CSMD3: variants seen among roughly 807,000 people sequenced by gnomAD.
CSMD3 encodes CUB and Sushi multiple domains 3, also known as CUB and sushi domain-containing protein 3.
CSMD3 carries 177 observed loss-of-function variants against 435.2 expected under a neutral mutation model. The ratio of observed to expected loss-of-function variants is 0.41; its 90% CI spans 0.36 to 0.46. The LOEUF (loss-of-function observed/expected upper bound fraction) is 0.46. Among genes scored for constraint, CSMD3 ranks in the 20% least tolerant of loss-of-function variants. The pLI, the probability that CSMD3 is intolerant of heterozygous loss-of-function variation, is 0.34. For missense variants in CSMD3, 4,265 were observed against 4,504.6 expected (o/e 0.95, Z 1.52); for synonymous variants, 1,656 against 1,520.5 (o/e 1.09, Z -2.07).
intron 13 of CSMD3, among the ~76,000 whole-genome samples, chr8:112,693,406 G>T (rs1014234774): frequency 2.6e-5 from 4 of 151,920 alleles, no homozygotes; most frequent in Admixed American, 6.6e-5. Flanking sequence ...TGCCTTCACT[G>T]TTGAATAATA....
chr8:113,428,586 G>C (rs2094650841), intron 1 of CSMD3, among the ~76,000 whole-genome samples: 3 of 151,776 alleles, frequency 2.0e-5, no homozygotes, highest in Admixed American at 6.6e-5. Context: ...GAAGAAAAGG[G>C]AGAAAAGAAC....
At chr8:112,605,233 G>A (rs886597921) in intron 22 of CSMD3, among the ~76,000 whole-genome samples, 1 of 152,108 alleles carries the variant, frequency 6.6e-6, no homozygotes, top group Non-Finnish European at 1.5e-5. Flanking sequence ...ATTTCTCAAA[G>A]AAGTTAAAAT....
At chr8:112,573,422 T>C (rs1829693039) in intron 24 of CSMD3, 79 bp downstream of exon 24, 7 of 1,168,918 alleles carry the variant, frequency 6.0e-6, no homozygotes, top group Non-Finnish European at 7.7e-6. Flanking sequence ...TGGATATCAT[T>C]TCAATTTGTG....
chr8:112,329,941 T>C lies in CSMD3; in HGVS notation c.7165+5388A>G, dbSNP rs369248669. Among the ~76,000 whole-genome samples, 18 of 151,916 alleles carry C rather than the reference T, an allele frequency of 1.2e-4. No individual in the cohort carries two copies. The East Asian group carries it at 1.5e-3, about 13-fold the overall frequency. ...ATATACACACAAACACACACACACA[T>C]ACATACACACACATACATTATTACA... On this transcript the variant is annotated intron_variant, in intron 45 of 70. Coordinates refer to ENST00000297405, the MANE Select transcript of CSMD3 (RefSeq NM_198123.2).
chr8:113,194,181 C>T (rs1240831498), intron 3 of CSMD3, among the ~76,000 whole-genome samples: 5 of 151,292 alleles, frequency 3.3e-5, no homozygotes, highest in African/African-American at 2.4e-5. Context: ...TGCCATGCTG[C>T]CTTTAAGTTA....
chr8:113,155,032 A>C (rs2131808018), intron 4 of CSMD3, among the ~76,000 whole-genome samples: 1 of 152,164 alleles, frequency 6.6e-6, no homozygotes, highest in East Asian at 1.9e-4. Context: ...GAATAACAGA[A>C]AATGAAATAT....
chr8:112,874,662 T>A lies in CSMD3; in HGVS notation c.1634-15396A>T, dbSNP rs572731055. The stretch of plus-strand genomic sequence containing the variant: ...TCCCTTTACCATTATGTAATGTCCT[T>A]CTTTGTCTTTTTTGATCTTTGTTGG... On this transcript the variant is annotated intron_variant, in intron 10 of 70. Transcript: ENST00000297405. Among the ~76,000 whole-genome samples, 4 of 152,312 alleles carry A rather than the reference T, an allele frequency of 2.6e-5. No homozygotes were observed. The South Asian group carries it at 8.3e-4, about 32-fold the overall frequency.
At chr8:113,315,967 C>T (rs1197404099) in intron 1 of CSMD3, among the ~76,000 whole-genome samples, 2 of 152,026 alleles carry the variant, frequency 1.3e-5, no homozygotes, top group Non-Finnish European at 2.9e-5. Flanking sequence ...GATCCACCCA[C>T]CTCAGTTTCC....
intron 27 of CSMD3, among the ~76,000 whole-genome samples, chr8:112,544,108 T>A (rs1223304587): frequency 6.6e-6 from 1 of 152,120 alleles, no homozygotes; most frequent in African/African-American, 2.4e-5. Flanking sequence ...TGGCATAATA[T>A]TTCAGTTTAG....
intron 13 of CSMD3, among the ~76,000 whole-genome samples, chr8:112,796,795 A>T (rs1046278355): frequency 2.0e-5 from 3 of 152,052 alleles, no homozygotes; most frequent in Non-Finnish European, 4.4e-5. Context: ...GCAAACAAAA[A>T]AAATCTCCTG....
intron 5 of CSMD3, among the ~76,000 whole-genome samples, chr8:113,023,144 C>A (rs1242495539): frequency 6.6e-6 from 1 of 151,962 alleles, no homozygotes; most frequent in Non-Finnish European, 1.5e-5. Context: ...GTCAGGTCCT[C>A]ATTTCAGCCA....
intron 6 of CSMD3, among the ~76,000 whole-genome samples, chr8:112,998,247 A>G (rs540465975): frequency 6.6e-6 from 1 of 151,924 alleles, no homozygotes; most frequent in Non-Finnish European, 1.5e-5. Context: ...CCTTCTCATT[A>G]CCCTGGAAGA....
chr8:112,757,787 C>G (rs1396371324), intron 13 of CSMD3, among the ~76,000 whole-genome samples: 2 of 151,980 alleles, frequency 1.3e-5, no homozygotes, highest in Admixed American at 1.3e-4. Context: ...GGCATGGTGG[C>G]TCACACCTGT....
At chr8:113,435,608 G>T (rs991348400) in intron 1 of CSMD3, among the ~76,000 whole-genome samples, 1 of 150,928 alleles carries the variant, frequency 6.6e-6, no homozygotes, top group Non-Finnish European at 1.5e-5. Context: ...CCCCTTTCCC[G>T]CGATCCCCCG....
intron 6 of CSMD3, among the ~76,000 whole-genome samples, chr8:112,987,935 G>A (rs2085314202): frequency 6.6e-6 from 1 of 151,960 alleles, no homozygotes. Context: ...GCAATGATGG[G>A]GAGGTGTTAG....
rs140398769 is a variant in CSMD3, at chr8:113,375,341, C to A, written c.179-60548G>T. 2.2e-4 allele frequency among the ~76,000 whole-genome samples: 34 copies of A among 152,214 alleles called. No individual in the cohort carries two copies. The East Asian group carries it at 6.0e-3, about 27-fold the overall frequency. ...CAGTTAACAAACAGATACCGAATAT[C>A]TACTTTGTGCTAATGTCTGCCAAGA... On this transcript the variant is annotated intron_variant, in intron 1 of 70. Coordinates refer to ENST00000297405, the MANE Select transcript of CSMD3 (RefSeq NM_198123.2).
intron 32 of CSMD3, among the ~76,000 whole-genome samples, chr8:112,464,910 C>T (rs1441902515): frequency 6.6e-6 from 1 of 152,112 alleles, no homozygotes. Context: ...TTTTAATCAT[C>T]AGCGTTATTG....
At chr8:112,410,010 G>A (rs1832191735) in intron 32 of CSMD3, among the ~76,000 whole-genome samples, 1 of 151,810 alleles carries the variant, frequency 6.6e-6, no homozygotes, top group African/African-American at 2.4e-5. Context: ...TTCATTCCAT[G>A]AGTATATACA....
chr8:112,759,867 CTAT>C (rs1317852883), intron 13 of CSMD3, among the ~76,000 whole-genome samples: 1 of 151,962 alleles, frequency 6.6e-6, no homozygotes, highest in African/African-American at 2.4e-5. Context: ...AGAATAATAG[CTAT>C]TATTTATTTA....
Sources: allele counts gnomAD v4.1 joint callset (sites outside exome capture counted in the v4.1 genomes callset), GRCh38; gene constraint gnomAD v4.1.1; transcripts MANE v1.5; gene names NCBI Gene and HGNC (gene_info 2026-07-23, HGNC 2026-07-21).